The following CMC1 variants were observed in gnomAD, a reference collection of about 807,000 sequenced individuals.
CMC1 encodes COX assembly mitochondrial protein homolog.
In CMC1, 14 loss-of-function variants were observed where a neutral mutation model predicts 14.1. The observed-to-expected ratio is 0.99, with a 90% CI of 0.66 to 1.55. CMC1 has a LOEUF of 1.55. CMC1 is among the 40% of genes most tolerant of loss of function. The pLI is 0.00. For synonymous variants in CMC1, 50 were observed against 38.4 expected (o/e 1.30, Z -1.12); for missense variants, 127 against 123.8 (o/e 1.03, Z -0.12).
intron 1 of CMC1, among the ~76,000 whole-genome samples, chr3:28,244,266 G>A (rs1223986888): frequency 2.6e-5 from 4 of 152,170 alleles, no homozygotes; most frequent in Non-Finnish European, 4.4e-5. Context: ...AGAGGGGTCA[G>A]GTCATAAGTG....
At chr3:28,282,258 A>C (rs1577040329) in intron 2 of CMC1, among the ~76,000 whole-genome samples, 2 of 152,376 alleles carry the variant, frequency 1.3e-5, no homozygotes, top group South Asian at 4.1e-4. Flanking sequence ...ACAGTGACAG[A>C]CAGCAGTGTA....
intron 2 of CMC1, among the ~76,000 whole-genome samples, chr3:28,279,215 GAAA>G (rs1257906553): frequency 1.2e-4 from 18 of 152,282 alleles, no homozygotes; most frequent in African/African-American, 3.4e-4. Context: ...TAGGGTGGCT[GAAA>G]CTCTTGACAA....
chr3:28,319,077 T>C (rs1703077637), intron 3 of CMC1: 11 of 355,426 alleles, frequency 3.1e-5, no homozygotes, highest in Non-Finnish European at 6.1e-5. Context: ...CTCATCCATG[T>C]GTCTTCCCAC....
chr3:28,309,322 T>G (rs556783378), intron 2 of CMC1, among the ~76,000 whole-genome samples: 5 of 152,140 alleles, frequency 3.3e-5, no homozygotes, highest in African/African-American at 4.8e-5. Context: ...TTATTCCATC[T>G]TCCTCCACCA....
intron 2 of CMC1, among the ~76,000 whole-genome samples, chr3:28,289,756 G>A (rs1701373887): frequency 6.6e-6 from 1 of 151,842 alleles, no homozygotes; most frequent in African/African-American, 2.4e-5. Context: ...ATTGTTGTGG[G>A]GGAAAACAAC....
chr3:28,266,288 T>G (rs1700001260), intron 2 of CMC1, among the ~76,000 whole-genome samples: 1 of 152,142 alleles, frequency 6.6e-6, no homozygotes, highest in Non-Finnish European at 1.5e-5. Flanking sequence ...AAATTTAATT[T>G]TAATCTGGAA....
At chr3:28,263,120 A>T (rs551850370) in intron 1 of CMC1, 171 bp from the exon 2 acceptor site, 248 of 551,124 alleles carry the variant, frequency 4.5e-4, no homozygotes, top group Middle Eastern at 3.5e-3. Context: ...ATATAAAAAA[A>T]CATTGCAAAT....
intron 2 of CMC1, among the ~76,000 whole-genome samples, chr3:28,300,926 G>A (rs1320939262): frequency 3.2e-5 from 3 of 94,982 alleles, no homozygotes; most frequent in Middle Eastern, 0.011. Flanking sequence ...CCCCCCCGAC[G>A]TGTACACATG....
At chr3:28,300,042 ACTTATT>A (rs774210357) in intron 2 of CMC1, among the ~76,000 whole-genome samples, 10 of 152,200 alleles carry the variant, frequency 6.6e-5, no homozygotes, top group Non-Finnish European at 1.5e-4. Flanking sequence ...TGGATACTAT[ACTTATT>A]AAGTGTCTAA....
intron 2 of CMC1, among the ~76,000 whole-genome samples, chr3:28,272,815 G>C (rs1700365315): frequency 1.3e-5 from 2 of 152,046 alleles, no homozygotes; most frequent in Admixed American, 1.3e-4. Context: ...CTCCCAAGTA[G>C]CTGGGATTAC....
intron 1 of CMC1, among the ~76,000 whole-genome samples, chr3:28,248,767 G>A (rs921977464): frequency 6.6e-6 from 1 of 151,990 alleles, no homozygotes; most frequent in African/African-American, 2.4e-5. Flanking sequence ...CATTCTCCCC[G>A]ACAATCCTCT....
At chr3:28,276,279 C>T (rs182619477) in intron 2 of CMC1, among the ~76,000 whole-genome samples, 19 of 152,154 alleles carry the variant, frequency 1.2e-4, no homozygotes, top group African/African-American at 4.3e-4. Context: ...ATTTAAATGA[C>T]AAAATTAGTG....
intron 2 of CMC1, among the ~76,000 whole-genome samples, chr3:28,268,249 G>T (rs952626226): frequency 2.6e-5 from 4 of 152,094 alleles, no homozygotes; most frequent in Non-Finnish European, 5.9e-5. Flanking sequence ...CATAGCTAAA[G>T]GTTATTACAG....
Position 28,322,798 on chromosome 3 carries a change from GTATGTA to G in CMC1, c.*3171_*3176del, listed in dbSNP as rs1484150226. 2 of 151,442 alleles carry G rather than the reference GTATGTA, an allele frequency of 1.3e-5. No individual in the cohort carries two copies. The highest frequency in any genetic ancestry group is 3.0e-5 in the Non-Finnish European group (2 of 67,394). 9.4% of individuals were successfully genotyped at this position (151,442 alleles called of 1,614,324 possible). A position where few individuals can be genotyped will look rare whatever the true frequency, so the allele number is the denominator to read the frequency against. On this transcript the variant is annotated 3_prime_UTR_variant, in exon 4 of 4. Transcript: ENST00000466830. ...CTAGTGAATGGCGAACATTGTCTAT[GTATGTA>G]TGCTATTCAGTAATACAGTAGAAGA...
intron 1 of CMC1, among the ~76,000 whole-genome samples, chr3:28,258,903 G>A (rs1434246513): frequency 6.6e-6 from 1 of 151,974 alleles, no homozygotes; most frequent in Non-Finnish European, 1.5e-5. Flanking sequence ...GATTACAGGC[G>A]TGAGCCACTG....
In CMC1 at chr3:28,301,862, T is replaced by A. The variant is rs563097282; in HGVS notation, c.110-14471T>A. 2.6e-5 allele frequency among the ~76,000 whole-genome samples: 4 copies of A among 152,122 alleles called. No individual in the cohort carries two copies. The South Asian group carries it at 8.3e-4, about 32-fold the overall frequency. ...GATGAAACGGCAGCATTAGACTACC[T>A]TTTTTCAGCCTATAGTACTCCCATC... On this transcript the variant is annotated intron_variant, in intron 2 of 3. Transcript: ENST00000466830.
intron 2 of CMC1, among the ~76,000 whole-genome samples, chr3:28,314,175 G>A (rs1480051475): frequency 7.2e-5 from 11 of 152,112 alleles, no homozygotes; most frequent in African/African-American, 1.7e-4. Context: ...ATTTGGGATC[G>A]TAGTCTTTGC....
rs2125623500 is a variant in CMC1, at chr3:28,320,061, C to T, written c.*432C>T. ...TGAACCAGAATCCTTCCTGATTCTA[C>T]CACTTATTAGCTATACAGCTGTGGA... On this transcript the variant is annotated 3_prime_UTR_variant, in exon 4 of 4. Coordinates refer to ENST00000466830, the MANE Select transcript of CMC1 (RefSeq NM_182523.2). 1 of 157,166 alleles carries T rather than the reference C, an allele frequency of 6.4e-6. No homozygotes were observed. Among genetic ancestry groups the T allele is most frequent in the Admixed American group, 6.3e-5 (1 of 15,856 alleles). The allele number at this position is 157,166 out of a possible 1,614,324, so 9.7% of individuals were successfully genotyped here.
chr3:28,261,460 C>A (rs952645850), intron 1 of CMC1, among the ~76,000 whole-genome samples: 8 of 152,090 alleles, frequency 5.3e-5, no homozygotes, highest in Non-Finnish European at 8.8e-5. Flanking sequence ...TTTGGCCATT[C>A]CAGGCCAGAT....
Sources: allele counts gnomAD v4.1 joint callset (sites outside exome capture counted in the v4.1 genomes callset), GRCh38; gene constraint gnomAD v4.1.1; transcripts MANE v1.5; gene names NCBI Gene and HGNC (gene_info 2026-07-23, HGNC 2026-07-21).